TBC1D5: variants seen among roughly 807,000 people sequenced by gnomAD.
TBC1D5 encodes TBC1 domain family, member 5.
Under a neutral mutation model 100.3 loss-of-function variants are expected in TBC1D5, and 75 were observed. The observed-to-expected ratio is 0.75, with a 90% CI of 0.62 to 0.91. The LOEUF is 0.91. Ranked by LOEUF, TBC1D5 falls within the 40% of genes least tolerant of loss-of-function variation. The pLI is 0.00. For synonymous variants in TBC1D5, 323 were observed against 325.6 expected (o/e 0.99, Z 0.09); for missense variants, 910 against 942.4 (o/e 0.97, Z 0.45).
In TBC1D5 at chr3:17,381,315, T is replaced by C. The variant is rs368223217; in HGVS notation, c.612+2598A>G. Among the ~76,000 whole-genome samples the C allele has an allele frequency of 5.3e-5, 8 of 152,210 alleles. No homozygotes were observed. The South Asian group carries it at 8.3e-4, about 16-fold the overall frequency. ...TATTATAAGACTTCCTTAATCTATT[T>C]TTTCTTTCTCTAAAAAAAATTGGAA... is the stretch of plus-strand genomic sequence containing the variant. On this transcript the variant is annotated intron_variant, in intron 9 of 21. Coordinates refer to ENST00000253692, the Ensembl canonical transcript of TBC1D5.
intron 3 of TBC1D5, among the ~76,000 whole-genome samples, chr3:17,503,964 G>C (rs2095814172): frequency 1.3e-5 from 2 of 149,364 alleles, no homozygotes; most frequent in African/African-American, 5.1e-5. Flanking sequence ...CATGGAATAA[G>C]TGAATTTTAG....
intron 2 of TBC1D5, among the ~76,000 whole-genome samples, chr3:17,582,775 T>C (rs945944052): frequency 2.2e-5 from 3 of 139,412 alleles, no homozygotes; most frequent in Non-Finnish European, 4.7e-5. Flanking sequence ...ACTACACAGA[T>C]ACCAAAAAGC....
intron 16 of TBC1D5, among the ~76,000 whole-genome samples, chr3:17,242,790 A>C (rs2076408764): frequency 6.6e-6 from 1 of 152,132 alleles, no homozygotes; most frequent in Non-Finnish European, 1.5e-5. Context: ...ATTTTTCAAA[A>C]CGACTATGGA....
At chr3:17,617,963 T>C (rs1421437110) in intron 2 of TBC1D5, among the ~76,000 whole-genome samples, 1 of 152,220 alleles carries the variant, frequency 6.6e-6, no homozygotes, top group African/African-American at 2.4e-5. Flanking sequence ...CTGCGATGTT[T>C]TGGAGGAGAA....
chr3:17,234,356 G>A (rs2148950678), intron 17 of TBC1D5, among the ~76,000 whole-genome samples: 1 of 151,222 alleles, frequency 6.6e-6, no homozygotes, highest in East Asian at 1.9e-4. Context: ...TTACAAATTG[G>A]ACTTATAGTA....
At chr3:17,725,694 T>C (rs942526129) in intron 1 of TBC1D5, among the ~76,000 whole-genome samples, 14 of 152,212 alleles carry the variant, frequency 9.2e-5, no homozygotes, top group South Asian at 2.1e-4. Flanking sequence ...TGCCTTCATA[T>C]AGATTCAGTC....
intron 16 of TBC1D5, among the ~76,000 whole-genome samples, chr3:17,250,107 TAC>T (rs1188551344): frequency 3.3e-5 from 5 of 152,346 alleles, no homozygotes; most frequent in South Asian, 2.1e-4. Context: ...CTTGTAATAA[TAC>T]ACAGTTACCC....
intron 3 of TBC1D5, among the ~76,000 whole-genome samples, chr3:17,440,171 T>A (rs976947864): frequency 5.9e-5 from 9 of 152,230 alleles, no homozygotes; most frequent in Non-Finnish European, 1.2e-4. Flanking sequence ...TTGAAAAATG[T>A]TATACAAGAT....
intron 14 of TBC1D5, among the ~76,000 whole-genome samples, chr3:17,299,102 A>G (rs530336155): frequency 1.3e-5 from 2 of 152,356 alleles, no homozygotes; most frequent in African/African-American, 4.8e-5. Context: ...GCTACTCTTG[A>G]GCTTTAGGGC....
chr3:17,554,757 A>T (rs1403827632), intron 2 of TBC1D5, among the ~76,000 whole-genome samples: 1 of 152,082 alleles, frequency 6.6e-6, no homozygotes, highest in Admixed American at 6.5e-5. Context: ...TTCTCCCTAA[A>T]ATCTTTCCAT....
chr3:17,592,722 T>C (rs903324439), intron 2 of TBC1D5, among the ~76,000 whole-genome samples: 7 of 152,180 alleles, frequency 4.6e-5, no homozygotes, highest in African/African-American at 7.2e-5. Flanking sequence ...GATCCAGTGG[T>C]CCTTGAGGTG....
rs756521116 is a variant in TBC1D5, at chr3:17,354,474, G to C, written c.995+17601C>G. ...CTCCCCTTGAAAAACTGCAAATAAA[G>C]ATGTCAGCTATTGAGTATATTTGTG... On this transcript the variant is annotated intron_variant, in intron 13 of 21. Transcript: ENST00000253692. Among the ~76,000 whole-genome samples the C allele has an allele frequency of 3.3e-5, 5 of 152,008 alleles. No individual in the cohort carries two copies. In the East Asian group the frequency reaches 9.6e-4, roughly 29 times the overall value.
chr3:17,328,702 C>T (rs1427574349), intron 13 of TBC1D5, among the ~76,000 whole-genome samples: 3 of 151,978 alleles, frequency 2.0e-5, no homozygotes, highest in Non-Finnish European at 4.4e-5. Context: ...TAGTGGAGAC[C>T]TAGAAAGAAA....
rs116830769 is a variant in TBC1D5 at position 17,416,868 on chromosome 3, A to G, written c.168-10342T>C. On this transcript the variant is annotated intron_variant, in intron 4 of 21. Coordinates refer to ENST00000253692, the Ensembl canonical transcript of TBC1D5. ...AAAATGGTCAATGCTGGAAAGAACT[A>G]GACCCAAGATTTGGATCACGAACGT... Among the ~76,000 whole-genome samples the G allele has an allele frequency of 3.4e-3, 524 of 152,310 alleles. 3 individuals carry two copies. The highest frequency in any genetic ancestry group is 5.4e-3 in the Non-Finnish European group (367 of 68,020).
At chr3:17,198,299 G>A (rs1330304492) in intron 18 of TBC1D5, among the ~76,000 whole-genome samples, 1 of 152,178 alleles carries the variant, frequency 6.6e-6, no homozygotes, top group African/African-American at 2.4e-5. Flanking sequence ...GTTGTGGGCA[G>A]TGGCTGGGCC....
intron 2 of TBC1D5, among the ~76,000 whole-genome samples, chr3:17,511,994 T>C (rs1392460485): frequency 5.9e-5 from 9 of 152,042 alleles, no homozygotes; most frequent in Non-Finnish European, 1.3e-4. Context: ...ATTAAGAAGT[T>C]GCTGCTTTCA....
intron 2 of TBC1D5, among the ~76,000 whole-genome samples, chr3:17,615,705 T>C (rs900475625): frequency 2.0e-5 from 3 of 152,222 alleles, no homozygotes; most frequent in Admixed American, 6.5e-5. Flanking sequence ...TGATGGTAGT[T>C]TGTATTTCTG....
At chr3:17,517,994 G>T (rs117571854) in intron 2 of TBC1D5, among the ~76,000 whole-genome samples, 2,513 of 152,238 alleles carry the variant, frequency 0.017, 52 homozygotes, top group South Asian at 0.048. Context: ...GTTCACTGTT[G>T]TCACTCCTGG....
intron 13 of TBC1D5, among the ~76,000 whole-genome samples, chr3:17,336,884 A>G (rs921644257): frequency 6.6e-6 from 1 of 152,136 alleles, no homozygotes; most frequent in African/African-American, 2.4e-5. Flanking sequence ...ATGATGTGCA[A>G]TGCATCATAT....
Sources: gnomAD v4.1 joint callset for allele counts (sites outside exome capture counted in the v4.1 genomes callset) on GRCh38, gnomAD v4.1.1 for gene constraint, MANE v1.5 for transcripts, NCBI Gene and HGNC (gene_info 2026-07-23, HGNC 2026-07-21) for gene names.